Variants in DNAAF4 observed in about 807,000 individuals in gnomAD.
The protein encoded by DNAAF4 is dynein axonemal assembly factor 4.
A neutral mutation model predicts 51.8 loss-of-function variants in DNAAF4; 43 were observed. The observed-to-expected ratio is 0.83, with a 90% CI of 0.65 to 1.07. The LOEUF is 1.07. DNAAF4 is among the 50% of genes least tolerant of loss of function. The pLI, the probability that DNAAF4 is intolerant of heterozygous loss-of-function variation, is 0.00. For missense variants in DNAAF4, 581 were observed against 493.0 expected (o/e 1.18, Z -1.69); for synonymous variants, 194 against 165.6 (o/e 1.17, Z -1.32).
chr15:55,467,036 T>C lies in DNAAF4; in HGVS notation c.531A>G (p.Arg177=). 1 of 1,564,512 alleles carries C rather than the reference T, an allele frequency of 6.4e-7. No homozygotes were observed. Among genetic ancestry groups the C allele is most frequent in the Non-Finnish European group, 8.6e-7 (1 of 1,157,354 alleles). The change falls in exon 5 of 10, where the codon AGA becomes AGG. Residue 177 remains arginine (R), a synonymous_variant. Transcript: ENST00000321149. ...TTTCTTTTTGACATAATTTCTCTTC[T>C]CTCTGAATTTTTTTTTGCTCCTCAG... ...RKAEEQKKIQ[R]EEKLCQKEKQ...
chr15:55,473,826 T>C (rs1031314471), intron 4 of DNAAF4, among the ~76,000 whole-genome samples: 8 of 151,578 alleles, frequency 5.3e-5, no homozygotes, highest in Admixed American at 1.3e-4. Context: ...CCCCTATCTC[T>C]ACAAAAAATA....
chr15:55,464,814 G>A (rs1320252224), intron 5 of DNAAF4, among the ~76,000 whole-genome samples: 1 of 152,092 alleles, frequency 6.6e-6, no homozygotes, highest in Non-Finnish European at 1.5e-5. Flanking sequence ...AATTAGCCAG[G>A]CATGGTGGTA....
At chr15:55,493,072 T>C (rs538024843) in intron 3 of DNAAF4, among the ~76,000 whole-genome samples, 169 of 152,288 alleles carry the variant, frequency 1.1e-3, no homozygotes, top group South Asian at 2.5e-3. Context: ...TGGGAGGTAG[T>C]GTCCTTATAC....
intron 8 of DNAAF4, among the ~76,000 whole-genome samples, chr15:55,433,286 G>A (rs2057525658): frequency 6.6e-6 from 1 of 151,972 alleles, no homozygotes; most frequent in Non-Finnish European, 1.5e-5. Context: ...GTGACAGAGT[G>A]AGACTTTGTC....
At chr15:55,502,455 A>G (rs1008720866) in intron 1 of DNAAF4, among the ~76,000 whole-genome samples, 1 of 152,202 alleles carries the variant, frequency 6.6e-6, no homozygotes, top group African/African-American at 2.4e-5. Context: ...CCTAGCATAA[A>G]AATGCTCAGG....
downstream of DNAAF4, among the ~76,000 whole-genome samples, chr15:55,425,347 T>G (rs1354458969): frequency 1.3e-5 from 2 of 152,234 alleles, no homozygotes; most frequent in Non-Finnish European, 2.9e-5. Context: ...TAGGTCAATT[T>G]AACCAGAATT....
intron 3 of DNAAF4, 89 bp downstream of exon 3, chr15:55,497,623 A>G (rs1474921788): frequency 6.9e-7 from 1 of 1,441,898 alleles, no homozygotes; most frequent in Non-Finnish European, 9.3e-7. Context: ...CTTCCCCTAC[A>G]CAATATAGGT....
At chr15:55,487,554 T>TA (rs1176762830) in intron 4 of DNAAF4, among the ~76,000 whole-genome samples, 1 of 152,204 alleles carries the variant, frequency 6.6e-6, no homozygotes, top group African/African-American at 2.4e-5. Flanking sequence ...TAAATCTTGC[T>TA]GCTGCTCACT....
chr15:55,428,591 T>C (rs2057455553), downstream of DNAAF4, among the ~76,000 whole-genome samples: 1 of 145,762 alleles, frequency 6.9e-6, no homozygotes, highest in Non-Finnish European at 1.5e-5. Flanking sequence ...GCCTCCCGAG[T>C]TCTCGCCATT....
chr15:55,440,412 T>A (rs2057690308), intron 6 of DNAAF4, among the ~76,000 whole-genome samples: 1 of 151,754 alleles, frequency 6.6e-6, no homozygotes, highest in Non-Finnish European at 1.5e-5. Flanking sequence ...GGAGTCTTGC[T>A]CTGTCACTCA....
chr15:55,442,267 C>A (rs1334273081), intron 6 of DNAAF4, among the ~76,000 whole-genome samples: 3 of 152,096 alleles, frequency 2.0e-5, no homozygotes, highest in Non-Finnish European at 2.9e-5. Flanking sequence ...TACAGGCACA[C>A]GCCACCATGC....
In DNAAF4 at chr15:55,474,846, G is replaced by T. The variant is rs1370200557; in HGVS notation, c.406-7685C>A. 2.0e-5 allele frequency among the ~76,000 whole-genome samples: 3 copies of T among 151,994 alleles called. No homozygotes were observed. The East Asian group carries it at 5.8e-4, about 30-fold the overall frequency. ...ATACAAAAAGTTAGCCAGGTGCAGT[G>T]GCGCACGCCGTAATCCCAGCTACTC... is the stretch of plus-strand genomic sequence containing the variant. On this transcript the variant is annotated intron_variant, in intron 4 of 9. Coordinates refer to ENST00000321149, the MANE Select transcript of DNAAF4 (RefSeq NM_130810.4).
At chr15:55,503,769 G>A (rs958671351) in intron 1 of DNAAF4, among the ~76,000 whole-genome samples, 6 of 152,052 alleles carry the variant, frequency 3.9e-5, no homozygotes, top group Admixed American at 6.6e-5. Context: ...TTGTTGGAAC[G>A]TATCTCAAAA....
intron 4 of DNAAF4, among the ~76,000 whole-genome samples, chr15:55,476,790 T>TCA (rs1433693990): frequency 6.6e-5 from 10 of 152,014 alleles, no homozygotes; most frequent in African/African-American, 2.4e-4. Flanking sequence ...ATAGAAAAAG[T>TCA]AGAATGGTGG....
chr15:55,431,500 A>C (rs1330076935), intron 9 of DNAAF4, among the ~76,000 whole-genome samples: 12 of 144,078 alleles, frequency 8.3e-5, no homozygotes, highest in Non-Finnish European at 1.5e-4. Flanking sequence ...TTGGAGACAG[A>C]GTCTTGCTCT....
At position 55,503,129 on chromosome 15, in the gene DNAAF4, A is replaced by C. The variant is rs150038666; in HGVS notation, c.-255-4545T>G. Among the ~76,000 whole-genome samples, 811 of 152,332 alleles carry C rather than the reference A, an allele frequency of 5.3e-3. 6 individuals carry two copies. Among genetic ancestry groups the C allele is most frequent in the African/African-American group, 0.018 (758 of 41,566 alleles). ...TACCACAGAAATACAAACTACCATC[A>C]GAGAATACTATAAACACCTCTACGC... is the stretch of plus-strand genomic sequence containing the variant. On this transcript the variant is annotated intron_variant, in intron 1 of 9. Coordinates refer to ENST00000321149, the MANE Select transcript of DNAAF4 (RefSeq NM_130810.4).
downstream of DNAAF4, among the ~76,000 whole-genome samples, chr15:55,427,974 T>A (rs1370423327): frequency 1.3e-5 from 2 of 151,628 alleles, no homozygotes; most frequent in Admixed American, 6.6e-5. Context: ...TTTTTGGAGA[T>A]GGAGTTTCAC....
At chr15:55,461,721 T>A (rs965428586) in intron 5 of DNAAF4, among the ~76,000 whole-genome samples, 5 of 150,842 alleles carry the variant, frequency 3.3e-5, no homozygotes, top group Non-Finnish European at 5.9e-5. Flanking sequence ...GGCTCACACA[T>A]CAAGAAACTA....
chr15:55,434,779 A>G (rs1214503425), intron 8 of DNAAF4, 126 bp downstream of exon 8: 4 of 930,894 alleles, frequency 4.3e-6, no homozygotes, highest in Non-Finnish European at 6.0e-6. Context: ...AAGATTCAAT[A>G]AGAAAGACAA....
Sources: gnomAD v4.1 joint callset for allele counts (sites outside exome capture counted in the v4.1 genomes callset) on GRCh38, gnomAD v4.1.1 for gene constraint, MANE v1.5 for transcripts, NCBI Gene and HGNC (gene_info 2026-07-23, HGNC 2026-07-21) for gene names.